Variants in MAPK8 observed in about 807,000 individuals in gnomAD.
MAPK8 encodes the protein JUN N-terminal kinase.
Under a neutral mutation model 52.9 loss-of-function variants are expected in MAPK8, and 13 were observed. The ratio of observed to expected loss-of-function variants is 0.25; its 90% CI spans 0.16 to 0.39. The LOEUF (loss-of-function observed/expected upper bound fraction) is 0.39, where lower values mean the gene tolerates loss of function less well. Ranked by LOEUF, MAPK8 falls within the 10% of genes least tolerant of loss-of-function variation. The probability of loss-of-function intolerance (pLI) is 1.00; values close to 1 mark genes in which losing one functional copy is unlikely to be tolerated. For synonymous variants in MAPK8, 191 were observed against 169.8 expected, an observed-to-expected ratio of 1.12 and a Z score of -0.97; for missense variants, 300 against 519.2, an observed-to-expected ratio of 0.58 and a Z score of 4.10.
rs1362794078 is a variant in MAPK8 at position 48,435,333 on chromosome 10, T to G, written c.*304T>G. The G allele has an allele frequency of 8.0e-6, 2 of 249,308 alleles. No individual in the cohort carries two copies. The highest frequency in any genetic ancestry group is 1.5e-5 in the Non-Finnish European group (2 of 132,472). 15.4% of individuals were successfully genotyped at this position (249,308 alleles called of 1,614,324 possible). A position where few individuals can be genotyped will look rare whatever the true frequency, so the allele number is the denominator to read the frequency against. On this transcript the variant is annotated 3_prime_UTR_variant, in exon 12 of 12. Coordinates refer to ENST00000374189, the MANE Select transcript of MAPK8 (RefSeq NM_001323329.2). ...ATTTGCTTTATCTTATGCTGCTGAT[T>G]TTTTTAACTGAATTTGTAAGATTTT...
chr10:48,319,800 ATC>A (rs1842821906), intron 1 of MAPK8, among the ~76,000 whole-genome samples: 2 of 151,506 alleles, frequency 1.3e-5, no homozygotes, highest in South Asian at 4.2e-4. Context: ...CGCATTCTGG[ATC>A]TCTCATGTAA....
intron 1 of MAPK8, among the ~76,000 whole-genome samples, chr10:48,388,977 G>A (rs1011634016): frequency 6.6e-6 from 1 of 152,004 alleles, no homozygotes; most frequent in Admixed American, 6.6e-5. Context: ...ATAGTTTTTT[G>A]GGGGGAAAGG....
intron 1 of MAPK8, among the ~76,000 whole-genome samples, chr10:48,314,088 A>C (rs1384692099): frequency 4.6e-5 from 7 of 152,228 alleles, no homozygotes; most frequent in Non-Finnish European, 7.3e-5. Context: ...CTATATCAAA[A>C]TACCATAACT....
chr10:48,337,437 C>T (rs1844797369), intron 1 of MAPK8, among the ~76,000 whole-genome samples: 1 of 151,886 alleles, frequency 6.6e-6, no homozygotes, highest in Non-Finnish European at 1.5e-5. Flanking sequence ...TATATGAAAA[C>T]CTCTAGGATA....
intron 1 of MAPK8, among the ~76,000 whole-genome samples, chr10:48,311,607 A>C (rs1204719059): frequency 6.6e-6 from 1 of 152,220 alleles, no homozygotes; most frequent in African/African-American, 2.4e-5. Context: ...ATGCTGTCAC[A>C]TCTTTTAAAT....
At chr10:48,345,733 T>TCACAGTAAAA (rs1223546617) in intron 1 of MAPK8, among the ~76,000 whole-genome samples, 1 of 152,034 alleles carries the variant, frequency 6.6e-6, no homozygotes, top group Non-Finnish European at 1.5e-5. Context: ...CCAGATAATA[T>TCACAGTAAAA]CACAGTAAAA....
chr10:48,392,138 C>T (rs1022193190), intron 1 of MAPK8, among the ~76,000 whole-genome samples: 2 of 152,198 alleles, frequency 1.3e-5, no homozygotes, highest in Non-Finnish European at 2.9e-5. Context: ...GAGAAACCCA[C>T]AAGCCTGTCT....
At chr10:48,406,062 A>G (rs1265565058) in intron 3 of MAPK8, among the ~76,000 whole-genome samples, 1 of 152,174 alleles carries the variant, frequency 6.6e-6, no homozygotes, top group Non-Finnish European at 1.5e-5. Flanking sequence ...AAGAGGGACG[A>G]TTTCTGTGAG....
rs968843459 is a variant in MAPK8 at position 48,316,921 on chromosome 10, A to G, written c.-50+10100A>G. On this transcript the variant is annotated intron_variant, in intron 1 of 11. Transcript: ENST00000374189. ...TAGAACCTCGGGAAAACAAGTATCC[A>G]GACTATCCTAATGGTATAGGAGCTA... Among the ~76,000 whole-genome samples, 3 of 152,234 alleles carry G rather than the reference A, an allele frequency of 2.0e-5. No homozygotes were observed. The East Asian group carries it at 5.8e-4, about 29-fold the overall frequency.
chr10:48,419,554 T>C (rs1054851020), intron 5 of MAPK8, among the ~76,000 whole-genome samples: 2 of 152,222 alleles, frequency 1.3e-5, no homozygotes, highest in African/African-American at 4.8e-5. Context: ...AAGGCAATGG[T>C]GTCCTACTTC....
chr10:48,329,525 AAATT>A (rs1843899905), intron 1 of MAPK8, among the ~76,000 whole-genome samples: 1 of 152,118 alleles, frequency 6.6e-6, no homozygotes, highest in African/African-American at 2.4e-5. Context: ...TTTAAAAAAA[AAATT>A]AAATTCATTT....
At chr10:48,332,935 A>T (rs138317491) in intron 1 of MAPK8, among the ~76,000 whole-genome samples, 87 of 152,298 alleles carry the variant, frequency 5.7e-4, no homozygotes, top group Middle Eastern at 3.4e-3. Context: ...AATAATTCAC[A>T]GGTTTGGGCT....
chr10:48,380,616 T>G (rs1484949055), intron 1 of MAPK8, among the ~76,000 whole-genome samples: 2 of 151,758 alleles, frequency 1.3e-5, no homozygotes, highest in Non-Finnish European at 2.9e-5. Context: ...CACCTGAATG[T>G]GAGCTACTTG....
At chr10:48,389,005 C>T (rs2041479455) in intron 1 of MAPK8, among the ~76,000 whole-genome samples, 2 of 152,024 alleles carry the variant, frequency 1.3e-5, no homozygotes, top group Admixed American at 6.5e-5. Context: ...GGAGAGTACC[C>T]TAGGATGCAC....
At chr10:48,385,846 A>T (rs2041281871) in intron 1 of MAPK8, among the ~76,000 whole-genome samples, 1 of 152,020 alleles carries the variant, frequency 6.6e-6, no homozygotes. Flanking sequence ...AGATTTTGAG[A>T]TCATTTGTAA....
chr10:48,372,810 A>T (rs983068818), intron 1 of MAPK8, among the ~76,000 whole-genome samples: 8 of 152,230 alleles, frequency 5.3e-5, no homozygotes, highest in African/African-American at 1.9e-4. Context: ...AACACTCTTC[A>T]GGATATTATC....
chr10:48,352,878 A>G (rs1050722051), intron 1 of MAPK8, among the ~76,000 whole-genome samples: 2 of 152,240 alleles, frequency 1.3e-5, no homozygotes, highest in African/African-American at 4.8e-5. Flanking sequence ...GTAATCTACA[A>G]AAAATCTGTG....
intron 1 of MAPK8, among the ~76,000 whole-genome samples, chr10:48,319,416 A>C (rs1588922654): frequency 6.6e-6 from 1 of 151,804 alleles, no homozygotes; most frequent in South Asian, 2.1e-4. Flanking sequence ...TTCTTCACAC[A>C]CACCCCCTCC....
At chr10:48,322,472 G>A (rs1438002213) in intron 1 of MAPK8, among the ~76,000 whole-genome samples, 1 of 152,152 alleles carries the variant, frequency 6.6e-6, no homozygotes, top group Admixed American at 6.5e-5. Context: ...CAAGCTAGTG[G>A]CACTAGCAAT....
Sources: gnomAD v4.1 joint callset for allele counts (sites outside exome capture counted in the v4.1 genomes callset) on GRCh38, gnomAD v4.1.1 for gene constraint, MANE v1.5 for transcripts, NCBI Gene and HGNC (gene_info 2026-07-23, HGNC 2026-07-21) for gene names.